COMMD7: variants seen among roughly 807,000 people sequenced by gnomAD.
The protein encoded by COMMD7 is COMM domain-containing protein 7.
In COMMD7, 28 loss-of-function variants were observed where a neutral mutation model predicts 34.8. The observed-to-expected ratio is 0.80, with a 90% confidence interval of 0.60 to 1.10. The LOEUF (loss-of-function observed/expected upper bound fraction) is 1.10. Ranked by LOEUF, COMMD7 falls within the 50% of genes least tolerant of loss-of-function variation. COMMD7 has a pLI of 0.00. For missense variants in COMMD7, 211 were observed against 241.6 expected, an observed-to-expected ratio of 0.87 and a Z score of 0.84; for synonymous variants, 80 against 86.4, an observed-to-expected ratio of 0.93 and a Z score of 0.41.
At chr20:32,736,204 G>T (rs1298969608) in intron 1 of COMMD7, among the ~76,000 whole-genome samples, 1 of 152,134 alleles carries the variant, frequency 6.6e-6, no homozygotes, top group Non-Finnish European at 1.5e-5. Context: ...TAAAGACAAG[G>T]TTCACACAAT....
intron 3 of COMMD7, among the ~76,000 whole-genome samples, chr20:32,717,653 T>C (rs1243666158): frequency 1.3e-5 from 2 of 151,806 alleles, no homozygotes; most frequent in Non-Finnish European, 2.9e-5. Flanking sequence ...GTAGAGGTAG[T>C]GTCTCATTAT....
At chr20:32,743,230 C>T in intron 1 of COMMD7, 78 bp downstream of exon 1, 1 of 875,934 alleles carries the variant, frequency 1.1e-6, no homozygotes, top group Non-Finnish European at 1.7e-6. Flanking sequence ...CCGCGCACCC[C>T]CGGACGTCCC....
At chr20:32,722,231 G>A (rs1424122634) in intron 3 of COMMD7, among the ~76,000 whole-genome samples, 1 of 87,634 alleles carries the variant, frequency 1.1e-5, no homozygotes, top group Non-Finnish European at 2.1e-5. Context: ...GGTGACAAGA[G>A]CAAAACTCTG....
At chr20:32,731,347 T>G (rs1028699195) in intron 1 of COMMD7, among the ~76,000 whole-genome samples, 7 of 151,792 alleles carry the variant, frequency 4.6e-5, no homozygotes, top group African/African-American at 1.7e-4. Flanking sequence ...TAAAAATAAA[T>G]TAGTCAAGCA....
In COMMD7 at chr20:32,704,882, A is replaced by G. The variant is rs368287216; in HGVS notation, c.359T>C (p.Leu120Pro). ...SEKWKQNAPT[L>P]ARWAIGQTLM... ...AGTCTGACCTATGGCCCATCGAGCAAGGGTGGGAGCATTCTGCTTCCACTG... is the reference window on the plus strand; with the variant it reads ...AGTCTGACCTATGGCCCATCGAGCAGGGGTGGGAGCATTCTGCTTCCACTG... Residue 120 changes from leucine (L) to proline (P), a missense_variant, in exon 6 of 9, where the codon CTT becomes CCT. By Grantham distance (98) the Leu-to-Pro change is moderately conservative. Coordinates refer to ENST00000278980, the MANE Select transcript of COMMD7 (RefSeq NM_053041.3). 10 of 1,613,912 alleles carry G rather than the reference A, an allele frequency of 6.2e-6. No individual in the cohort carries two copies. The African/African-American group carries it at 9.3e-5, about 15-fold the overall frequency.
intron 1 of COMMD7, among the ~76,000 whole-genome samples, chr20:32,736,497 C>T (rs6058848): frequency 4.0e-5 from 6 of 151,898 alleles, no homozygotes; most frequent in Admixed American, 1.3e-4. Flanking sequence ...GGTGAAACCC[C>T]GTCTCTACTA....
Position 32,711,167 on chromosome 20 carries a change from C to T in COMMD7, c.242-4407G>A, listed in dbSNP as rs146264148. ...ATCCCAGCACTTTGGGAGGCTGAGG[C>T]GGGTGGATCACTTGAGGTCAGGAGT... On this transcript the variant is annotated intron_variant, in intron 3 of 8. Coordinates refer to ENST00000278980, the MANE Select transcript of COMMD7 (RefSeq NM_053041.3). 8.3e-3 allele frequency among the ~76,000 whole-genome samples: 1,267 copies of T among 151,992 alleles called. 13 individuals carry two copies. The highest frequency in any genetic ancestry group is 0.029 in the African/African-American group (1,208 of 41,456).
intron 3 of COMMD7, among the ~76,000 whole-genome samples, chr20:32,726,062 CAAA>C (rs34689858): frequency 9.8e-5 from 7 of 71,124 alleles, no homozygotes; most frequent in Admixed American, 3.7e-4. Context: ...AAGCCTGTCT[CAAA>C]AAAAAAAAAA....
intron 1 of COMMD7, among the ~76,000 whole-genome samples, chr20:32,739,384 G>A (rs1160196662): frequency 6.6e-6 from 1 of 152,086 alleles, no homozygotes; most frequent in African/African-American, 2.4e-5. Flanking sequence ...GGTGTCTCAC[G>A]CCTGTAATCC....
chr20:32,737,142 A>G (rs1290216452), intron 1 of COMMD7, among the ~76,000 whole-genome samples: 5 of 151,864 alleles, frequency 3.3e-5, no homozygotes, highest in African/African-American at 1.2e-4. Context: ...AGATCGCGCC[A>G]CTGCATTCCA....
intron 3 of COMMD7, among the ~76,000 whole-genome samples, chr20:32,718,615 C>G (rs2145739734): frequency 6.6e-6 from 1 of 152,128 alleles, no homozygotes; most frequent in East Asian, 1.9e-4. Context: ...AGGAGAATCG[C>G]TTGAACTCAG....
At chr20:32,730,382 C>T (rs1985768364) in intron 1 of COMMD7, among the ~76,000 whole-genome samples, 2 of 151,882 alleles carry the variant, frequency 1.3e-5, no homozygotes, top group Non-Finnish European at 2.9e-5. Flanking sequence ...TGGTGAAACC[C>T]CGTCTCTACT....
At chr20:32,731,268 T>C (rs185243442) in intron 1 of COMMD7, among the ~76,000 whole-genome samples, 154 of 152,198 alleles carry the variant, frequency 1.0e-3, no homozygotes, top group African/African-American at 3.6e-3. Context: ...CAGTGAGTCA[T>C]GATCACACCA....
intron 3 of COMMD7, among the ~76,000 whole-genome samples, chr20:32,708,260 C>T (rs1295560404): frequency 6.6e-6 from 1 of 152,128 alleles, no homozygotes; most frequent in Admixed American, 6.6e-5. Context: ...TCAAATTTTC[C>T]ACTTTTTAGT....
At chr20:32,703,610 G>A in intron 8 of COMMD7, 152 bp from the exon 9 acceptor site, 2 of 1,442,134 alleles carry the variant, frequency 1.4e-6, no homozygotes, top group Non-Finnish European at 1.8e-6. Flanking sequence ...ATAAAGAACT[G>A]AGAGACTTGA....
At chr20:32,736,354 G>A (rs144236138) in intron 1 of COMMD7, among the ~76,000 whole-genome samples, 14 of 152,290 alleles carry the variant, frequency 9.2e-5, no homozygotes, top group African/African-American at 3.4e-4. Flanking sequence ...CTTATTAGGA[G>A]AAAGGTTTAA....
At chr20:32,716,859 CT>C (rs34687680) in intron 3 of COMMD7, among the ~76,000 whole-genome samples, 43,748 of 146,750 alleles carry the variant, frequency 0.3, 6,671 homozygotes, top group Middle Eastern at 0.42. Context: ...GGGTTAGTAA[CT>C]TTTTTTTTTT....
intron 1 of COMMD7, among the ~76,000 whole-genome samples, chr20:32,732,134 G>C (rs1985874064): frequency 6.6e-6 from 1 of 152,156 alleles, no homozygotes; most frequent in Non-Finnish European, 1.5e-5. Context: ...CCAGACTGGA[G>C]TGCAGTGGCG....
intron 3 of COMMD7, among the ~76,000 whole-genome samples, chr20:32,727,670 G>T (rs1163955489): frequency 2.0e-5 from 3 of 151,074 alleles, no homozygotes; most frequent in Non-Finnish European, 4.4e-5. Flanking sequence ...AACCCAAGAT[G>T]CACACTGAAC....
Sources: allele counts gnomAD v4.1 joint callset (sites outside exome capture counted in the v4.1 genomes callset), GRCh38; gene constraint gnomAD v4.1.1; transcripts MANE v1.5; gene names NCBI Gene and HGNC (gene_info 2026-07-23, HGNC 2026-07-21).